COBL: variants seen among roughly 807,000 people sequenced by gnomAD.
COBL encodes the protein cordon-bleu WH2 repeat protein.
A neutral mutation model predicts 98.8 loss-of-function variants in COBL; 51 were observed. The ratio of observed to expected loss-of-function variants is 0.52; its 90% CI spans 0.41 to 0.65. The LOEUF is 0.65. COBL is among the 30% of genes least tolerant of loss of function. The pLI, the probability that COBL is intolerant of heterozygous loss-of-function variation, is 0.00. For missense variants in COBL, 1,617 were observed against 1,617.5 expected (o/e 1.00, Z 0.01); for synonymous variants, 634 against 651.7 (o/e 0.97, Z 0.41).
intron 1 of COBL, among the ~76,000 whole-genome samples, chr7:51,275,422 T>C (rs1799207100): frequency 6.6e-6 from 1 of 152,240 alleles, no homozygotes; most frequent in Non-Finnish European, 1.5e-5. Flanking sequence ...GATTTGTTTT[T>C]GATTGCTGGG....
chr7:51,287,219 A>T (rs1039784347), intron 1 of COBL, among the ~76,000 whole-genome samples: 6 of 152,232 alleles, frequency 3.9e-5, no homozygotes, highest in Non-Finnish European at 8.8e-5. Flanking sequence ...ACAAAACTGC[A>T]TATGAACCCT....
chr7:51,202,045 T>A (rs1006178410), intron 2 of COBL, among the ~76,000 whole-genome samples: 3 of 152,200 alleles, frequency 2.0e-5, no homozygotes, highest in African/African-American at 7.2e-5. Context: ...ATCTCCGTTA[T>A]CAGATCGCTT....
intron 12 of COBL, chr7:51,018,529 T>C (rs1588222995): frequency 6.6e-6 from 1 of 152,108 alleles, no homozygotes; most frequent in African/African-American, 2.4e-5. Flanking sequence ...TAACATCTAC[T>C]TCAAGCCTGT....
chr7:51,118,734 T>C (rs1024629146), intron 6 of COBL, among the ~76,000 whole-genome samples: 3 of 152,092 alleles, frequency 2.0e-5, no homozygotes, highest in African/African-American at 7.2e-5. Flanking sequence ...TTCCCCAAGG[T>C]TGTATAGGTT....
intron 1 of COBL, among the ~76,000 whole-genome samples, chr7:51,232,424 C>T (rs1423077184): frequency 6.6e-6 from 1 of 152,140 alleles, no homozygotes. Context: ...TGGAGCCACA[C>T]TGATGACCGA....
chr7:51,147,008 C>T (rs1785093493), intron 5 of COBL, among the ~76,000 whole-genome samples: 1 of 152,156 alleles, frequency 6.6e-6, no homozygotes, highest in Non-Finnish European at 1.5e-5. Context: ...GCTCATTAAC[C>T]TGCAGGAAGT....
chr7:51,091,327 G>C (rs1794792722), intron 6 of COBL, among the ~76,000 whole-genome samples: 1 of 152,098 alleles, frequency 6.6e-6, no homozygotes, highest in Non-Finnish European at 1.5e-5. Flanking sequence ...TATCAATAAA[G>C]AGACAGAAAC....
chr7:51,073,315 G>A, intron 7 of COBL: 1 of 692,212 alleles, frequency 1.4e-6, no homozygotes, highest in Non-Finnish European at 2.6e-6. Context: ...ACTGGGAAAG[G>A]TCCGAGGTCA....
At chr7:51,090,668 A>C (rs1794725243) in intron 6 of COBL, among the ~76,000 whole-genome samples, 1 of 152,256 alleles carries the variant, frequency 6.6e-6, no homozygotes, top group Non-Finnish European at 1.5e-5. Context: ...AGCACAGCTC[A>C]GTGCAATCAA....
intron 5 of COBL, among the ~76,000 whole-genome samples, chr7:51,167,421 T>G (rs1042832662): frequency 3.9e-5 from 6 of 152,026 alleles, no homozygotes; most frequent in Non-Finnish European, 7.4e-5. Context: ...AACTATAAAA[T>G]ACTGATGAAA....
At chr7:51,096,736 T>C (rs1795306279) in intron 6 of COBL, among the ~76,000 whole-genome samples, 1 of 152,074 alleles carries the variant, frequency 6.6e-6, no homozygotes, top group South Asian at 2.1e-4. Flanking sequence ...ACCAATTGGA[T>C]AACCTAGAAG....
chr7:51,030,194 T>G (rs1017801109), intron 9 of COBL, among the ~76,000 whole-genome samples: 3 of 152,266 alleles, frequency 2.0e-5, no homozygotes, highest in Admixed American at 2.0e-4. Context: ...CTCGTCAGTT[T>G]TGCAGTCTGT....
At chr7:51,237,286 A>T (rs1037625268) in intron 1 of COBL, among the ~76,000 whole-genome samples, 1 of 150,462 alleles carries the variant, frequency 6.6e-6, no homozygotes, top group Admixed American at 6.7e-5. Context: ...CTAGCCTATT[A>T]GAAAAAAAAC....
chr7:51,281,921 C>A (rs1469706896), intron 1 of COBL, among the ~76,000 whole-genome samples: 1 of 151,970 alleles, frequency 6.6e-6, no homozygotes, highest in Non-Finnish European at 1.5e-5. Context: ...AACACATAAC[C>A]ATGAAGGATA....
chr7:51,195,628 T>C lies in COBL; in HGVS notation c.246-2039A>G, dbSNP rs369847593. 5.9e-5 allele frequency among the ~76,000 whole-genome samples: 9 copies of C among 152,212 alleles called. No individual in the cohort carries two copies. In the East Asian group the frequency reaches 1.7e-3, roughly 29 times the overall value. ...GGCAATATGGCCATTTTTAACAATA[T>C]TGATCCTTCCTTTCCATTTGTTTGT... On this transcript the variant is annotated intron_variant, in intron 2 of 12. Coordinates refer to ENST00000265136, the MANE Select transcript of COBL (RefSeq NM_015198.5).
At chr7:51,150,888 C>T (rs1412647260) in intron 5 of COBL, among the ~76,000 whole-genome samples, 1 of 152,048 alleles carries the variant, frequency 6.6e-6, no homozygotes, top group Non-Finnish European at 1.5e-5. Flanking sequence ...AGATATGGGC[C>T]CACGCTTAAA....
At chr7:51,150,873 T>G (rs1051898087) in intron 5 of COBL, among the ~76,000 whole-genome samples, 3 of 152,184 alleles carry the variant, frequency 2.0e-5, no homozygotes, top group African/African-American at 7.2e-5. Flanking sequence ...GTCATGTTCT[T>G]ACCCAGATAT....
intron 6 of COBL, among the ~76,000 whole-genome samples, chr7:51,095,693 G>A (rs1454431961): frequency 1.3e-5 from 2 of 152,024 alleles, no homozygotes; most frequent in Non-Finnish European, 2.9e-5. Flanking sequence ...TAAAAGGAGG[G>A]AAAAAGATAT....
chr7:51,275,533 G>C (rs912982310), intron 1 of COBL, among the ~76,000 whole-genome samples: 3 of 152,092 alleles, frequency 2.0e-5, no homozygotes, highest in African/African-American at 7.2e-5. Context: ...GCAGGTCTGG[G>C]GGGAATTCTC....
Sources: gnomAD v4.1 joint callset for allele counts (sites outside exome capture counted in the v4.1 genomes callset) on GRCh38, gnomAD v4.1.1 for gene constraint, MANE v1.5 for transcripts, NCBI Gene and HGNC (gene_info 2026-07-23, HGNC 2026-07-21) for gene names.